Variants in PRKAG2 observed in about 807,000 individuals in gnomAD.
PRKAG2 encodes protein kinase AMP-activated non-catalytic subunit gamma 2, also known as 5'-AMP-activated protein kinase subunit gamma-2.
In PRKAG2, 26 loss-of-function variants were observed where a neutral mutation model predicts 69.6. The ratio of observed to expected loss-of-function variants is 0.37; its 90% CI spans 0.27 to 0.52. The LOEUF (loss-of-function observed/expected upper bound fraction) is 0.52. Among genes scored for constraint, PRKAG2 ranks in the 20% least tolerant of loss-of-function variants. The probability of loss-of-function intolerance (pLI) is 0.90; values close to 1 mark genes in which losing one functional copy is unlikely to be tolerated. For missense variants in PRKAG2, 557 were observed against 740.0 expected, an observed-to-expected ratio of 0.75 and a Z score of 2.87; for synonymous variants, 293 against 285.0, an observed-to-expected ratio of 1.03 and a Z score of -0.28.
At chr7:151,730,770 C>T (rs1264827973) in intron 3 of PRKAG2, among the ~76,000 whole-genome samples, 2 of 152,162 alleles carry the variant, frequency 1.3e-5, no homozygotes, top group African/African-American at 4.8e-5. Context: ...CCATACTCAG[C>T]CAAGGGCAGG....
At chr7:151,843,820 T>C (rs2079365935) in intron 1 of PRKAG2, among the ~76,000 whole-genome samples, 1 of 152,244 alleles carries the variant, frequency 6.6e-6, no homozygotes. Context: ...TTGGTTAAGA[T>C]CGGATAGAAA....
intron 5 of PRKAG2, among the ~76,000 whole-genome samples, chr7:151,616,250 G>A (rs988585964): frequency 1.9e-4 from 29 of 152,168 alleles, no homozygotes; most frequent in African/African-American, 6.5e-4. Flanking sequence ...GGCAGGCAAC[G>A]AGGGCGGGAG....
intron 3 of PRKAG2, among the ~76,000 whole-genome samples, chr7:151,773,052 AGGGAGGGAGGG>A (rs2076142454): frequency 3.9e-5 from 1 of 25,720 alleles, no homozygotes; most frequent in African/African-American, 1.7e-4. Flanking sequence ...AGAGAGAGAG[AGGGAGGGAGGG>A]AGGGAGGGAG....
At chr7:151,601,072 G>A (rs1447326233) in intron 5 of PRKAG2, among the ~76,000 whole-genome samples, 2 of 152,082 alleles carry the variant, frequency 1.3e-5, no homozygotes, top group East Asian at 1.9e-4. Context: ...TCAACGGTGC[G>A]CTCATCTGAG....
chr7:151,616,263 A>G (rs1276091140), intron 5 of PRKAG2, among the ~76,000 whole-genome samples: 2 of 152,198 alleles, frequency 1.3e-5, no homozygotes, highest in African/African-American at 4.8e-5. Context: ...GGCGGGAGGA[A>G]GCAGGTGCAC....
Position 151,572,737 on chromosome 7 carries a change from AATATAC to A in PRKAG2, c.1006-34_1006-29del, listed in dbSNP as rs761670454. 4.6e-5 allele frequency: 61 copies of A among 1,314,728 alleles called. No individual in the cohort carries two copies. In the Middle Eastern group the frequency reaches 6.0e-4, roughly 13 times the overall value. 81.4% of individuals were successfully genotyped at this position (1,314,728 alleles called of 1,614,324 possible). On this transcript the variant is annotated intron_variant, in intron 8 of 15. Transcript: ENST00000287878. ...GCAAATAAAAAAATTCTTATTTATA[AATATAC>A]ATATACAACATAGAAAAAATATTTG...
At chr7:151,813,436 G>A (rs1288972757) in intron 1 of PRKAG2, among the ~76,000 whole-genome samples, 1 of 148,180 alleles carries the variant, frequency 6.7e-6, no homozygotes, top group African/African-American at 2.5e-5. Flanking sequence ...CAAGGACCCC[G>A]AATCACAGAC....
At chr7:151,605,868 G>A (rs1817406910) in intron 5 of PRKAG2, among the ~76,000 whole-genome samples, 1 of 151,564 alleles carries the variant, frequency 6.6e-6, no homozygotes. Flanking sequence ...AACCCTGGAG[G>A]CGGAGGTTGC....
chr7:151,582,147 G>A lies in PRKAG2; in HGVS notation c.865-5695C>T, dbSNP rs115500668. Among the ~76,000 whole-genome samples, 1,139 of 152,220 alleles carry A rather than the reference G, an allele frequency of 7.5e-3. 22 individuals carry two copies. The highest frequency in any genetic ancestry group is 0.026 in the African/African-American group (1,080 of 41,512). Reference sequence around the variant, plus strand: ...ACAGTATCGGTCCAACAGAGGGATCGATGTATGTATGTACGTATGAATGAC... The same window carrying A: ...ACAGTATCGGTCCAACAGAGGGATCAATGTATGTATGTACGTATGAATGAC... On this transcript the variant is annotated intron_variant, in intron 6 of 15. Coordinates refer to ENST00000287878, the MANE Select transcript of PRKAG2 (RefSeq NM_016203.4).
intron 5 of PRKAG2, among the ~76,000 whole-genome samples, chr7:151,611,033 G>T (rs527243627): frequency 3.3e-4 from 50 of 152,226 alleles, no homozygotes; most frequent in African/African-American, 1.2e-3. Flanking sequence ...GGGATTACAG[G>T]CGTGAGCCAC....
At chr7:151,829,273 C>T (rs1266154312) in intron 1 of PRKAG2, among the ~76,000 whole-genome samples, 3 of 152,216 alleles carry the variant, frequency 2.0e-5, no homozygotes, top group African/African-American at 7.2e-5. Context: ...AACATAAGCT[C>T]AACATTAGTT....
At chr7:151,806,466 G>C (rs1340147823) in intron 1 of PRKAG2, 1 of 155,768 alleles carries the variant, frequency 6.4e-6, no homozygotes, top group Non-Finnish European at 1.4e-5. Flanking sequence ...TGACTGCATA[G>C]GCAAACGAGA....
intron 1 of PRKAG2, among the ~76,000 whole-genome samples, chr7:151,804,818 A>G (rs2078020188): frequency 1.3e-5 from 2 of 152,210 alleles, no homozygotes; most frequent in Non-Finnish European, 2.9e-5. Flanking sequence ...CATAGGTCAT[A>G]AAATCCACTC....
intron 4 of PRKAG2, among the ~76,000 whole-genome samples, chr7:151,649,026 C>T (rs1361864728): frequency 6.6e-6 from 1 of 152,110 alleles, no homozygotes; most frequent in African/African-American, 2.4e-5. Context: ...AAGGAATGTT[C>T]TTGTCACTAA....
At chr7:151,852,062 C>T (rs2151896407) in intron 1 of PRKAG2, among the ~76,000 whole-genome samples, 1 of 152,314 alleles carries the variant, frequency 6.6e-6, no homozygotes. Context: ...TCAAAGCAAA[C>T]CCTCAACAGT....
intron 3 of PRKAG2, among the ~76,000 whole-genome samples, chr7:151,711,069 G>C (rs1019451081): frequency 2.0e-5 from 3 of 152,158 alleles, no homozygotes; most frequent in African/African-American, 7.2e-5. Context: ...GCTAGACTTA[G>C]AGTACTAACA....
At chr7:151,618,531 G>A (rs903006092) in intron 5 of PRKAG2, among the ~76,000 whole-genome samples, 4 of 152,006 alleles carry the variant, frequency 2.6e-5, no homozygotes, top group East Asian at 1.9e-4. Context: ...TTGGGAGGCC[G>A]AAGCAGGTGG....
intron 5 of PRKAG2, among the ~76,000 whole-genome samples, chr7:151,617,015 T>C (rs561636355): frequency 6.6e-6 from 1 of 151,836 alleles, no homozygotes; most frequent in Non-Finnish European, 1.5e-5. Flanking sequence ...ATCCCAGCAC[T>C]TTGGGAGGCC....
In PRKAG2 at chr7:151,850,358, G is replaced by A. The variant is rs1352625641; in HGVS notation, c.114+26149C>T. Among the ~76,000 whole-genome samples, 4 of 152,222 alleles carry A rather than the reference G, an allele frequency of 2.6e-5. No homozygotes were observed. The highest frequency in any genetic ancestry group is 7.2e-5 in the African/African-American group (3 of 41,468). ...GAGGGATCAAATCTGTCTAAGCTCC[G>A]AAGTAACCCTGCTCAGCTAATAGGT... On this transcript the variant is annotated intron_variant, in intron 1 of 15. Coordinates refer to ENST00000287878, the MANE Select transcript of PRKAG2 (RefSeq NM_016203.4). This position sits in a 1 kb window ranked among gnomAD's most constrained non-coding sequence, Gnocchi z 4.1.
Sources: allele counts gnomAD v4.1 joint callset (sites outside exome capture counted in the v4.1 genomes callset), GRCh38; gene constraint gnomAD v4.1.1; non-coding constraint Gnocchi (gnomAD v3.1); transcripts MANE v1.5; gene names NCBI Gene and HGNC (gene_info 2026-07-23, HGNC 2026-07-21).